HELZ2: variants seen among roughly 807,000 people sequenced by gnomAD.
HELZ2 encodes 3'-5' exoribonuclease HELZ2.
In HELZ2, 143 loss-of-function variants were observed where a neutral mutation model predicts 208.8. That is an observed-to-expected ratio of 0.68 (90% CI 0.60 to 0.79). HELZ2 has a LOEUF of 0.79. Ranked by LOEUF, HELZ2 falls within the 30% of genes least tolerant of loss-of-function variation. The pLI, the probability that HELZ2 is intolerant of heterozygous loss-of-function variation, is 0.00. For missense variants in HELZ2, 3,690 were observed against 3,794.5 expected (o/e 0.97, Z 0.72); for synonymous variants, 1,705 against 1,693.7 (o/e 1.01, Z -0.16).
At chr20:63,560,055 G>T in exon 18 of HELZ2, 1 of 1,609,158 alleles carries the variant, frequency 6.2e-7, no homozygotes. Context: ...TCTTGGCACA[G>T]GTGCGGACGG....
intron 13 of HELZ2, 24 bp from the exon 15 acceptor site, chr20:63,561,298 C>T (rs1334756549): frequency 6.2e-7 from 1 of 1,612,362 alleles, no homozygotes; most frequent in Admixed American, 1.7e-5. Flanking sequence ...TGCTTGTCAC[C>T]CCAGGGCCCC....
exon 8 of HELZ2, chr20:63,564,276 G>A: frequency 6.2e-7 from 1 of 1,610,662 alleles, no homozygotes; most frequent in Non-Finnish European, 8.5e-7. Flanking sequence ...CGGAAGCCCA[G>A]GGTGCCGTCC....
exon 19 of HELZ2, chr20:63,559,342 G>C (rs200439113): frequency 1.1e-5 from 17 of 1,602,466 alleles, no homozygotes; most frequent in African/African-American, 5.3e-5. Flanking sequence ...TACGCCAGAG[G>C]GGGCAGCAGC....
exon 3 of HELZ2, chr20:63,570,584 C>A (rs2083006856): frequency 1.9e-6 from 3 of 1,612,648 alleles, no homozygotes; most frequent in Non-Finnish European, 2.5e-6. Flanking sequence ...TTGCAGGTGA[C>A]ACGCACTCCA....
At chr20:63,560,063 C>T (rs140893410) in exon 18 of HELZ2, 21 of 1,608,258 alleles carry the variant, frequency 1.3e-5, no homozygotes, top group Admixed American at 3.3e-5. Flanking sequence ...CAGGTGCGGA[C>T]GGTGCTCACC....
At chr20:63,558,550 T>A (rs191618426), downstream of HELZ2, 1 of 152,212 alleles carries the variant, frequency 6.6e-6, no homozygotes, top group Non-Finnish European at 1.5e-5. Flanking sequence ...GTTTTGTTTT[T>A]TTTTTTAAGA....
At chr20:63,566,317 G>T (rs1025526026) in intron 7 of HELZ2, 61 bp downstream of exon 8, 1 of 1,521,394 alleles carries the variant, frequency 6.6e-7, no homozygotes, top group Non-Finnish European at 8.9e-7. Context: ...CTGAGGAGTG[G>T]GCCGAGCCAC....
In HELZ2 at chr20:63,565,397, G is replaced by A. The variant is rs1239513664; in HGVS notation, c.3425C>T (p.Ala1142Val). Residue 1142 changes from alanine to valine, a missense_variant, in exon 8 of 19, where the codon GCG becomes GTG. Physicochemically the swap from Ala to Val is moderately conservative, Grantham distance 64. Coordinates refer to ENST00000467148, the Ensembl canonical transcript of HELZ2. Reference sequence around the variant, plus strand: ...GGCATCGTCCAGCGGGATGGCTGACGCCCGCTCGAAGGTCTCTGGCACGAA... The same window carrying A: ...GGCATCGTCCAGCGGGATGGCTGACACCCGCTCGAAGGTCTCTGGCACGAA... 3.1e-6 allele frequency: 5 copies of A among 1,609,880 alleles called. No individual in the cohort carries two copies. In the South Asian group the frequency reaches 3.3e-5, roughly 11 times the overall value.
exon 4 of HELZ2, chr20:63,569,456 C>T (rs1267087285): frequency 6.2e-7 from 1 of 1,609,726 alleles, no homozygotes. Flanking sequence ...GCAGCACCGG[C>T]CGGCGGCCAA....
intron 6 of HELZ2, 30 bp downstream of exon 7, chr20:63,566,814 C>G: frequency 1.3e-6 from 2 of 1,560,116 alleles, no homozygotes; most frequent in Non-Finnish European, 1.7e-6. Flanking sequence ...GGGGTGCGGT[C>G]GGGGGCTGTC....
chr20:63,567,750 G>A lies in HELZ2; in HGVS notation c.1731-123C>T, dbSNP rs556041379. On this transcript the variant is annotated intron_variant, in intron 5 of 18. Coordinates refer to ENST00000467148, the Ensembl canonical transcript of HELZ2. The stretch of plus-strand genomic sequence containing the variant: ...CAGCCCTTGTCTGGCTGTCAGAGGT[G>A]AGCAGCAAACACTGGTGTCCCTCCT... The A allele has an allele frequency of 4.1e-5, 60 of 1,465,292 alleles. No homozygotes were observed. In the African/African-American group the frequency reaches 6.2e-4, roughly 15 times the overall value. 90.8% of individuals were successfully genotyped at this position (1,465,292 alleles called of 1,614,324 possible).
rs563465944 is a variant in HELZ2, at chr20:63,569,591, C to A, written c.645G>T (p.Pro215=). 3.2e-6 allele frequency: 5 copies of A among 1,567,128 alleles called. No homozygotes were observed. In the African/African-American group the frequency reaches 5.4e-5, roughly 17 times the overall value. Residue 215 remains proline, a synonymous_variant, in exon 4 of 19, where the codon CCG becomes CCT. Transcript: ENST00000467148. ...CACCCCGTGCGTAGAGCCGGCCTGG[C>A]GGGAGGCCGGGAGCCACCAGAGAGA...
chr20:63,572,341 C>T (rs751384609), exon 1 of HELZ2: 24 of 1,574,262 alleles, frequency 1.5e-5, no homozygotes, highest in Non-Finnish European at 1.9e-5. Flanking sequence ...TGAGCAGGTC[C>T]CCCCGCTGGA....
exon 12 of HELZ2, chr20:63,561,624 C>G: frequency 6.2e-7 from 1 of 1,609,990 alleles, no homozygotes; most frequent in Non-Finnish European, 8.5e-7. Flanking sequence ...TCGGCCTCCC[C>G]TCCCGGGGGC....
chr20:63,567,852 T>C lies in HELZ2; in HGVS notation c.1731-225A>G, dbSNP rs2082979565. 18 of 880,190 alleles carry C rather than the reference T, an allele frequency of 2.0e-5. No homozygotes were observed. In the South Asian group the frequency reaches 2.9e-4, roughly 14 times the overall value. The allele number at this position is 880,190 out of a possible 1,614,324, so 54.5% of individuals were successfully genotyped here. A position where few individuals can be genotyped will look rare whatever the true frequency, so the allele number is the denominator to read the frequency against. ...GCGAGCCCAGCGGCTCCTCTGACACTGCAGACACCTGCACCTCCCTGGTCC... is the reference window on the plus strand; with the variant it reads ...GCGAGCCCAGCGGCTCCTCTGACACCGCAGACACCTGCACCTCCCTGGTCC... On this transcript the variant is annotated intron_variant, in intron 5 of 18. Transcript: ENST00000467148.
At position 63,563,520 on chromosome 20, in the gene HELZ2, G is replaced by C. The variant is rs1356965406; in HGVS notation, c.5302C>G (p.Pro1768Ala). ...AGGGAGCCGTAGGGGACGGGGCAGG[G>C]GTCAGGCAGCGTCTCCCGGTTGCTG... The change falls in exon 8 of 19, where the codon CCC becomes GCC. Residue 1768 changes from proline to alanine, a missense_variant. Transcript: ENST00000467148. 4 of 1,514,080 alleles carry C rather than the reference G, an allele frequency of 2.6e-6. No homozygotes were observed. In the Admixed American group the frequency reaches 8.0e-5, roughly 30 times the overall value. 93.8% of individuals were successfully genotyped at this position (1,514,080 alleles called of 1,614,324 possible). A position where few individuals can be genotyped will look rare whatever the true frequency, so the allele number is the denominator to read the frequency against.
chr20:63,559,076 C>T, downstream of HELZ2: 1 of 703,768 alleles, frequency 1.4e-6, no homozygotes, highest in Non-Finnish European at 2.3e-6. Context: ...AGTGTGGGGA[C>T]CGGCCCTTGC....
At chr20:63,566,094 C>T (rs1481767015) in exon 8 of HELZ2, 1 of 1,585,152 alleles carries the variant, frequency 6.3e-7, no homozygotes, top group Non-Finnish European at 8.5e-7. Context: ...CCCACTACCA[C>T]CAGCTGGGAC....
At chr20:63,566,054 G>T (rs755136098) in exon 8 of HELZ2, 1 of 1,588,938 alleles carries the variant, frequency 6.3e-7, no homozygotes, top group East Asian at 2.3e-5. Flanking sequence ...CTTGCCGCAG[G>T]CCCCGAAGGA....
Sources: gnomAD v4.1 joint callset for allele counts on GRCh38, gnomAD v4.1.1 for gene constraint, MANE v1.5 for transcripts, NCBI Gene and HGNC (gene_info 2026-07-23, HGNC 2026-07-21) for gene names.